Variants in SLC16A7 observed in about 807,000 individuals in gnomAD.
SLC16A7 encodes solute carrier family 16 member 7, also known as monocarboxylate transporter 2.
Under a neutral mutation model 34.9 loss-of-function variants are expected in SLC16A7, and 33 were observed. The observed-to-expected ratio is 0.94, with a 90% CI of 0.72 to 1.26. SLC16A7 has a LOEUF of 1.26. Ranked by LOEUF, SLC16A7 falls within the 50% of genes most tolerant of loss-of-function variation. The pLI is 0.00. For synonymous variants in SLC16A7, 201 were observed against 206.6 expected, an observed-to-expected ratio of 0.97 and a Z score of 0.23; for missense variants, 573 against 578.1, an observed-to-expected ratio of 0.99 and a Z score of 0.09.
At chr12:59,656,981 GACAAT>G (rs1868570082) in intron 2 of SLC16A7, among the ~76,000 whole-genome samples, 1 of 151,882 alleles carries the variant, frequency 6.6e-6, no homozygotes, top group South Asian at 2.1e-4. Flanking sequence ...GTAAAATGAG[GACAAT>G]ACAAGTTCTT....
At position 59,781,570 on chromosome 12, in the gene SLC16A7, G is replaced by A. The variant is rs1883247021; in HGVS notation, c.*1891G>A. The A allele has an allele frequency of 6.6e-6, 1 of 152,524 alleles. No individual in the cohort carries two copies. The highest frequency in any genetic ancestry group is 6.6e-5 in the Admixed American group (1 of 15,244). 9.4% of individuals were successfully genotyped at this position (152,524 alleles called of 1,614,324 possible). On this transcript the variant is annotated 3_prime_UTR_variant, in exon 6 of 6. Coordinates refer to ENST00000547379, the MANE Select transcript of SLC16A7 (RefSeq NM_001270623.2). ...GAAGAGATATTTGTATTTTTCAAAT[G>A]TTAAGTAAAACAAGATGTGCCAATA...
In SLC16A7 at chr12:59,733,435, C is replaced by T. The variant is rs1446597700; in HGVS notation, c.217+28417C>T. On this transcript the variant is annotated intron_variant, in intron 3 of 5. Transcript: ENST00000547379. ...TTTTTGTGGGGTGGGCAGCTCCAGG[C>T]GCTGGCAAAGGCACAGGCTTTGTGT... is the stretch of plus-strand genomic sequence containing the variant. Among the ~76,000 whole-genome samples, 8 of 152,032 alleles carry T rather than the reference C, an allele frequency of 5.3e-5. No homozygotes were observed. The East Asian group carries it at 9.7e-4, about 18-fold the overall frequency.
chr12:59,744,139 C>G (rs1878631906), intron 3 of SLC16A7, among the ~76,000 whole-genome samples: 2 of 152,160 alleles, frequency 1.3e-5, no homozygotes, highest in Non-Finnish European at 2.9e-5. Context: ...GAGGGCGAGT[C>G]CCCTGGCAAG....
chr12:59,709,617 A>G (rs542536217), intron 3 of SLC16A7, among the ~76,000 whole-genome samples: 1 of 151,624 alleles, frequency 6.6e-6, no homozygotes, highest in Non-Finnish European at 1.5e-5. Context: ...CCTGTGTTTG[A>G]GATAGGTAGA....
At chr12:59,769,991 T>C (rs1882066509) in intron 3 of SLC16A7, among the ~76,000 whole-genome samples, 1 of 152,088 alleles carries the variant, frequency 6.6e-6, no homozygotes, top group Non-Finnish European at 1.5e-5. Context: ...TGGAATTTAA[T>C]CAAGTCTAAG....
At chr12:59,658,471 A>G (rs1186283165) in intron 2 of SLC16A7, among the ~76,000 whole-genome samples, 1 of 152,074 alleles carries the variant, frequency 6.6e-6, no homozygotes, top group East Asian at 1.9e-4. Context: ...AGTTAACAGA[A>G]GAGTAGCAGA....
chr12:59,673,267 G>T (rs1412854584), intron 2 of SLC16A7, among the ~76,000 whole-genome samples: 2 of 152,046 alleles, frequency 1.3e-5, no homozygotes, highest in Non-Finnish European at 2.9e-5. Flanking sequence ...TGAAATTGAT[G>T]AATTGGTTTT....
At chr12:59,633,548 T>G (rs1334394644) in intron 1 of SLC16A7, among the ~76,000 whole-genome samples, 1 of 151,856 alleles carries the variant, frequency 6.6e-6, no homozygotes, top group Non-Finnish European at 1.5e-5. Flanking sequence ...TGATAAATAA[T>G]AATAATGACA....
chr12:59,730,133 G>C (rs1876758834), intron 3 of SLC16A7, among the ~76,000 whole-genome samples: 1 of 151,796 alleles, frequency 6.6e-6, no homozygotes, highest in Non-Finnish European at 1.5e-5. Flanking sequence ...TGGAGCCTTA[G>C]CTTGCAGGTG....
intron 3 of SLC16A7, among the ~76,000 whole-genome samples, chr12:59,751,046 C>T (rs540984733): frequency 1.3e-5 from 2 of 148,830 alleles, no homozygotes; most frequent in Admixed American, 6.8e-5. Context: ...GAACATCACA[C>T]ACTGAGGCCT....
At chr12:59,771,475 C>T in intron 4 of SLC16A7, 113 bp downstream of exon 4, 1 of 739,094 alleles carries the variant, frequency 1.4e-6, no homozygotes, top group Non-Finnish European at 2.0e-6. Context: ...TTTTTATAAA[C>T]AATGCAGTTT....
chr12:59,765,390 C>G (rs544046308), intron 3 of SLC16A7, among the ~76,000 whole-genome samples: 18 of 152,128 alleles, frequency 1.2e-4, no homozygotes, highest in East Asian at 1.9e-4. Flanking sequence ...TGGTGTTTTA[C>G]ACATGAAGTC....
chr12:59,680,399 A>T (rs919727018), intron 2 of SLC16A7, among the ~76,000 whole-genome samples: 1 of 152,198 alleles, frequency 6.6e-6, no homozygotes, highest in Non-Finnish European at 1.5e-5. Flanking sequence ...TATTTCTTTT[A>T]GACTGAAAAT....
At chr12:59,756,123 C>A (rs11173131) in intron 3 of SLC16A7, among the ~76,000 whole-genome samples, 16,378 of 152,194 alleles carry the variant, frequency 0.11, 931 homozygotes, top group Admixed American at 0.16. Flanking sequence ...GGATTAAAGT[C>A]TTAAACGTTA....
At chr12:59,777,432 T>C (rs79858487) in intron 5 of SLC16A7, among the ~76,000 whole-genome samples, 1,830 of 152,270 alleles carry the variant, frequency 0.012, 18 homozygotes, top group Middle Eastern at 0.065. Context: ...ACGTCTTACA[T>C]AGTTGCAGCA....
intron 1 of SLC16A7, among the ~76,000 whole-genome samples, chr12:59,654,236 G>T (rs943508402): frequency 1.1e-4 from 16 of 151,198 alleles, no homozygotes; most frequent in African/African-American, 3.9e-4. Context: ...AGCTTTAAGA[G>T]AAGAGTTAAT....
In SLC16A7 at chr12:59,786,694, T is replaced by C. The variant is rs1335777518; in HGVS notation, c.*7015T>C. 2 of 152,142 alleles carry C rather than the reference T, an allele frequency of 1.3e-5. No individual in the cohort carries two copies. The highest frequency in any genetic ancestry group is 1.9e-4 in the East Asian group (1 of 5,200). The allele number at this position is 152,142 out of a possible 1,614,324, so 9.4% of individuals were successfully genotyped here. A position where few individuals can be genotyped will look rare whatever the true frequency, so the allele number is the denominator to read the frequency against. ...TTGATAGGTATCCACATTTTTACCA[T>C]ATAAAACTAGACTGGATTAAGGATT... On this transcript the variant is annotated 3_prime_UTR_variant, in exon 6 of 6. Coordinates refer to ENST00000547379, the MANE Select transcript of SLC16A7 (RefSeq NM_001270623.2).
intron 3 of SLC16A7, among the ~76,000 whole-genome samples, chr12:59,742,412 A>G (rs1878446957): frequency 1.3e-5 from 2 of 152,206 alleles, no homozygotes; most frequent in Non-Finnish European, 2.9e-5. Context: ...ACCACCACCT[A>G]ATATTCCTAG....
chr12:59,602,309 GTT>G (rs1480970653), intron 1 of SLC16A7, among the ~76,000 whole-genome samples: 1 of 152,060 alleles, frequency 6.6e-6, no homozygotes, highest in African/African-American at 2.4e-5. Context: ...GCTTTGGACT[GTT>G]AATAACCTTT....
Sources: gnomAD v4.1 joint callset for allele counts (sites outside exome capture counted in the v4.1 genomes callset) on GRCh38, gnomAD v4.1.1 for gene constraint, MANE v1.5 for transcripts, NCBI Gene and HGNC (gene_info 2026-07-23, HGNC 2026-07-21) for gene names.